The following DTNA variants were observed in gnomAD, a reference collection of about 807,000 sequenced individuals.
The protein encoded by DTNA is dystrobrevin alpha.
Under a neutral mutation model 100.7 loss-of-function variants are expected in DTNA, and 43 were observed. That is an observed-to-expected ratio of 0.43 (90% CI 0.33 to 0.55). The LOEUF (loss-of-function observed/expected upper bound fraction) is 0.55. Ranked by LOEUF, DTNA falls within the 20% of genes least tolerant of loss-of-function variation. The pLI is 0.04. For synonymous variants in DTNA, 349 were observed against 347.9 expected (o/e 1.00, Z -0.04); for missense variants, 798 against 953.9 (o/e 0.84, Z 2.15).
intron 1 of DTNA, among the ~76,000 whole-genome samples, chr18:34,654,088 A>G (rs1006841304): frequency 2.0e-5 from 3 of 152,172 alleles, no homozygotes; most frequent in African/African-American, 7.2e-5. Context: ...CTGTGGATTT[A>G]TTTATAGGAC....
chr18:34,496,031 C>T (rs989579234), intron 1 of DTNA, among the ~76,000 whole-genome samples: 7 of 151,976 alleles, frequency 4.6e-5, no homozygotes, highest in Non-Finnish European at 1.0e-4. Context: ...CATAGATTTC[C>T]TTTAATTCTC....
At chr18:34,699,015 T>C (rs2081000292) in intron 1 of DTNA, among the ~76,000 whole-genome samples, 1 of 151,222 alleles carries the variant, frequency 6.6e-6, no homozygotes, top group Non-Finnish European at 1.5e-5. Flanking sequence ...TATGATCTCA[T>C]TGTGATCCTT....
chr18:34,889,078 G>A lies in DTNA; in HGVS notation c.*1344G>A. ...TTAGAGGGCCCTAAAGACCTCCTTT[G>A]GGAATTCTGGGGAAAAAGAAAAAGT... On this transcript the variant is annotated 3_prime_UTR_variant, in exon 23 of 23. Transcript: ENST00000444659. 1.0e-6 allele frequency: 1 copy of A among 985,540 alleles called. No individual in the cohort carries two copies. The highest frequency in any genetic ancestry group is 1.2e-6 in the Non-Finnish European group (1 of 829,928). 61.0% of individuals were successfully genotyped at this position (985,540 alleles called of 1,614,324 possible). A position where few individuals can be genotyped will look rare whatever the true frequency, so the allele number is the denominator to read the frequency against.
At chr18:34,648,121 G>T (rs753259597) in intron 1 of DTNA, among the ~76,000 whole-genome samples, 1 of 152,178 alleles carries the variant, frequency 6.6e-6, no homozygotes, top group Non-Finnish European at 1.5e-5. Flanking sequence ...TCTGAGTTGG[G>T]AAGAGATTAA....
At chr18:34,757,013 T>C (rs1245534521) in intron 2 of DTNA, 1 of 152,122 alleles carries the variant, frequency 6.6e-6, no homozygotes, top group Non-Finnish European at 1.5e-5. Context: ...AAAAGGAAAG[T>C]CCCAGATAAT....
chr18:34,877,852 G>C, intron 19 of DTNA, 44 bp downstream of exon 19: 1 of 1,526,552 alleles, frequency 6.6e-7, no homozygotes, highest in Non-Finnish European at 9.1e-7. Context: ...ATCATGGAGG[G>C]ATCCATAAGT....
At chr18:34,859,334 A>C (rs898402764) in intron 16 of DTNA, among the ~76,000 whole-genome samples, 3 of 152,326 alleles carry the variant, frequency 2.0e-5, no homozygotes, top group Admixed American at 2.0e-4. Context: ...ATTGAAACGA[A>C]AGTACACTCT....
chr18:34,778,929 T>G (rs749233589), intron 3 of DTNA, among the ~76,000 whole-genome samples: 34 of 151,904 alleles, frequency 2.2e-4, no homozygotes, highest in Admixed American at 4.6e-4. Context: ...ACCATTCTCC[T>G]GCCTCAGCCT....
chr18:34,616,661 C>T (rs1457870539), intron 1 of DTNA, among the ~76,000 whole-genome samples: 1 of 152,044 alleles, frequency 6.6e-6, no homozygotes, highest in Non-Finnish European at 1.5e-5. Flanking sequence ...GTTATGTGAA[C>T]AATGTCATTA....
At position 34,888,356 on chromosome 18, in the gene DTNA, C is replaced by T. The variant is rs2096940807; in HGVS notation, c.*622C>T. On this transcript the variant is annotated 3_prime_UTR_variant, in exon 23 of 23. Transcript: ENST00000444659. The stretch of plus-strand genomic sequence containing the variant: ...GTTCCTGAGTGTACAAACTCAGAGC[C>T]CGGAAGCCAAGAAGGGTCCTTGGCC... The T allele has an allele frequency of 1.0e-6, 1 of 985,616 alleles. No individual in the cohort carries two copies. The highest frequency in any genetic ancestry group is 1.2e-6 in the Non-Finnish European group (1 of 829,930). The allele number at this position is 985,616 out of a possible 1,614,324, so 61.1% of individuals were successfully genotyped here.
chr18:34,526,067 G>GA (rs1207890015), intron 1 of DTNA, among the ~76,000 whole-genome samples: 1 of 152,184 alleles, frequency 6.6e-6, no homozygotes, highest in Non-Finnish European at 1.5e-5. Flanking sequence ...TTTGACAGTA[G>GA]AAAGGAGTGG....
rs368217745 is a variant in DTNA at position 34,559,100 on chromosome 18, C to T, written c.-2+65586C>T. ...TTATTTGATAACTAAGTTCTAGTAA[C>T]AATAATACATACATGATACCCATAA... On this transcript the variant is annotated intron_variant, in intron 1 of 19. Transcript: ENST00000283365. Among the ~76,000 whole-genome samples the T allele has an allele frequency of 5.3e-5, 8 of 152,182 alleles. No homozygotes were observed. In the East Asian group the frequency reaches 1.2e-3, roughly 22 times the overall value.
intron 1 of DTNA, among the ~76,000 whole-genome samples, chr18:34,699,849 G>A (rs976715892): frequency 2.0e-5 from 3 of 151,280 alleles, no homozygotes; most frequent in Non-Finnish European, 2.9e-5. Context: ...GCAACAAAAA[G>A]CAAAGCAAAA....
At chr18:34,647,010 G>A (rs1599549634) in intron 1 of DTNA, among the ~76,000 whole-genome samples, 1 of 121,512 alleles carries the variant, frequency 8.2e-6, no homozygotes, top group Non-Finnish European at 1.8e-5. Flanking sequence ...CACCGCGCCT[G>A]GCCAGTTTTG....
chr18:34,694,941 A>G (rs1336695072), intron 1 of DTNA, among the ~76,000 whole-genome samples: 1 of 152,166 alleles, frequency 6.6e-6, no homozygotes, highest in African/African-American at 2.4e-5. Flanking sequence ...AGCCTCCCTC[A>G]GTTCCTATTC....
intron 1 of DTNA, among the ~76,000 whole-genome samples, chr18:34,697,100 G>A (rs1415684736): frequency 1.3e-5 from 2 of 151,410 alleles, no homozygotes; most frequent in Non-Finnish European, 2.9e-5. Context: ...TGCCAATGCT[G>A]AGAAATTCTT....
chr18:34,716,663 AGGCAACATGGTGTAGAAAAAGAGTCTT>A (rs2084147414), intron 1 of DTNA, among the ~76,000 whole-genome samples: 1 of 152,252 alleles, frequency 6.6e-6, no homozygotes, highest in Admixed American at 6.5e-5. Context: ...GAACATGTAT[AGGCAACATGGTGTAGAAAAAGAGTCTT>A]GGCTTAAGAA....
intron 13 of DTNA, among the ~76,000 whole-genome samples, chr18:34,844,444 C>T (rs754505155): frequency 2.0e-5 from 3 of 152,082 alleles, no homozygotes; most frequent in Non-Finnish European, 4.4e-5. Context: ...CTCTCTTGAG[C>T]TCACTGACTT....
intron 1 of DTNA, among the ~76,000 whole-genome samples, chr18:34,550,075 A>G (rs528268249): frequency 6.6e-6 from 1 of 152,276 alleles, no homozygotes; most frequent in Admixed American, 6.5e-5. Flanking sequence ...CTGGGAACAT[A>G]GGTAAACAAC....
Sources: gnomAD v4.1 joint callset for allele counts (sites outside exome capture counted in the v4.1 genomes callset) on GRCh38, gnomAD v4.1.1 for gene constraint, MANE v1.5 for transcripts, NCBI Gene and HGNC (gene_info 2026-07-23, HGNC 2026-07-21) for gene names.